The following UBR1 variants were observed in gnomAD, a reference collection of about 807,000 sequenced individuals.
UBR1 encodes the protein E3 ubiquitin-protein ligase UBR1.
In UBR1, 102 loss-of-function variants were observed where a neutral mutation model predicts 242.1. The ratio of observed to expected loss-of-function variants is 0.42; its 90% CI spans 0.36 to 0.50. The LOEUF (loss-of-function observed/expected upper bound fraction) is 0.50. Ranked by LOEUF, UBR1 falls within the 20% of genes least tolerant of loss-of-function variation. The pLI, the probability that UBR1 is intolerant of heterozygous loss-of-function variation, is 0.01. For synonymous variants in UBR1, 675 were observed against 684.8 expected (o/e 0.99, Z 0.22); for missense variants, 1,772 against 2,101.8 (o/e 0.84, Z 3.07).
chr15:42,947,163 A>G (rs1266420478), intron 46 of UBR1, among the ~76,000 whole-genome samples: 1 of 152,206 alleles, frequency 6.6e-6, no homozygotes, highest in Admixed American at 6.5e-5. Flanking sequence ...AAAAGTTTCA[A>G]GTATTGCAAT....
intron 1 of UBR1, among the ~76,000 whole-genome samples, chr15:43,101,627 C>T (rs1431296467): frequency 2.6e-5 from 4 of 151,932 alleles, no homozygotes; most frequent in South Asian, 2.1e-4. Flanking sequence ...GTCGGGAGTT[C>T]GAGACCAGGC....
chr15:43,035,384 T>C (rs2033319520), intron 19 of UBR1, among the ~76,000 whole-genome samples: 1 of 152,222 alleles, frequency 6.6e-6, no homozygotes, highest in South Asian at 2.1e-4. Context: ...TCAGGAGGTA[T>C]GGTTAAGAAA....
chr15:43,031,174 T>C (rs1008249273), intron 20 of UBR1, among the ~76,000 whole-genome samples: 11 of 152,124 alleles, frequency 7.2e-5, no homozygotes, highest in Admixed American at 5.2e-4. Context: ...AGAAATATAA[T>C]TTTTTAAACA....
intron 4 of UBR1, among the ~76,000 whole-genome samples, chr15:43,072,288 TCA>T (rs1385067950): frequency 6.6e-6 from 1 of 152,162 alleles, no homozygotes; most frequent in Non-Finnish European, 1.5e-5. Context: ...ATATACAAAA[TCA>T]CAGTTGCCCA....
At chr15:42,962,486 C>T (rs930806268) in intron 42 of UBR1, among the ~76,000 whole-genome samples, 1 of 151,858 alleles carries the variant, frequency 6.6e-6, no homozygotes, top group Non-Finnish European at 1.5e-5. Flanking sequence ...TGAACTGGGG[C>T]CTCTCTTTTT....
At chr15:43,059,562 C>A (rs2033657483) in intron 8 of UBR1, 140 bp downstream of exon 8, 2 of 1,034,392 alleles carry the variant, frequency 1.9e-6, no homozygotes, top group South Asian at 1.6e-5. Flanking sequence ...AAATGCAACC[C>A]TGAAAATTAA....
chr15:43,019,581 G>GTTT (rs1248631700), intron 27 of UBR1, among the ~76,000 whole-genome samples: 7 of 135,524 alleles, frequency 5.2e-5, no homozygotes, highest in Non-Finnish European at 1.1e-4. Flanking sequence ...CTGGCTTCAG[G>GTTT]TTTTTTTTTT....
intron 1 of UBR1, among the ~76,000 whole-genome samples, chr15:43,087,414 A>G (rs973818572): frequency 1.2e-4 from 18 of 152,266 alleles, no homozygotes; most frequent in Non-Finnish European, 2.4e-4. Context: ...CAAAAAAAAA[A>G]TAAAATAAAA....
In UBR1 at chr15:43,072,875, T is replaced by C. The variant is rs149572047; in HGVS notation, c.529-1950A>G. On this transcript the variant is annotated intron_variant, in intron 4 of 46. Coordinates refer to ENST00000290650, the MANE Select transcript of UBR1 (RefSeq NM_174916.3). Reference sequence around the variant, plus strand: ...ATTGTATATCATATGAAAAGCTTATTATGCTGGCTGGGCGTGGTGGCTCAC... The same window carrying C: ...ATTGTATATCATATGAAAAGCTTATCATGCTGGCTGGGCGTGGTGGCTCAC... 4.8e-3 allele frequency among the ~76,000 whole-genome samples: 727 copies of C among 152,292 alleles called. 6 individuals are homozygous for C. The highest frequency in any genetic ancestry group is 0.017 in the African/African-American group (698 of 41,562).
chr15:42,980,434 C>T (rs1420904989), intron 37 of UBR1, among the ~76,000 whole-genome samples: 1 of 152,116 alleles, frequency 6.6e-6, no homozygotes, highest in Non-Finnish European at 1.5e-5. Context: ...GGTTTTATTA[C>T]CATGGGCAAG....
chr15:43,059,022 C>A, intron 9 of UBR1, 63 bp downstream of exon 9: 6 of 1,266,438 alleles, frequency 4.7e-6, no homozygotes, highest in Admixed American at 1.7e-5. Flanking sequence ...TATTACAGCT[C>A]CACTTTAAGG....
In UBR1 at chr15:43,067,989, T is replaced by C; in HGVS notation, c.707A>G (p.His236Arg). 2 of 1,612,196 alleles carry C rather than the reference T, an allele frequency of 1.2e-6. No individual in the cohort carries two copies. Among genetic ancestry groups the C allele is most frequent in the Non-Finnish European group, 1.7e-6 (2 of 1,179,040 alleles). ...GCTGTATATGACGTGGTCATATGAATGGTGTTCATCATTGAAAAGGACACA... is the reference window on the plus strand; with the variant it reads ...GCTGTATATGACGTGGTCATATGAACGGTGTTCATCATTGAAAAGGACACA... ...YYCVLFNDEH[H>R]SYDHVIYSLQ... Residue 236 changes from histidine to arginine, a missense_variant, in exon 6 of 47, where the codon CAT becomes CGT. His to Arg is a conservative substitution (Grantham distance 29, BLOSUM62 0). Coordinates refer to ENST00000290650, the MANE Select transcript of UBR1 (RefSeq NM_174916.3).
chr15:42,988,992 T>C, intron 34 of UBR1, 25 bp from the exon 35 acceptor site: 2 of 1,569,982 alleles, frequency 1.3e-6, no homozygotes, highest in Non-Finnish European at 1.8e-6. Context: ...AGAAAATTTG[T>C]ATGATTTAGT....
intron 3 of UBR1, 149 bp downstream of exon 3, chr15:43,082,489 C>T (rs1387982690): frequency 4.4e-6 from 3 of 681,476 alleles, no homozygotes; most frequent in African/African-American, 3.6e-5. Context: ...AAGCAACACA[C>T]ATCCCTTATC....
intron 12 of UBR1, among the ~76,000 whole-genome samples, chr15:43,053,331 C>T (rs1192347393): frequency 6.6e-6 from 1 of 152,110 alleles, no homozygotes; most frequent in Non-Finnish European, 1.5e-5. Context: ...TGATTATGCA[C>T]CACTTAACTG....
At chr15:43,069,990 C>T (rs1259040670) in intron 5 of UBR1, among the ~76,000 whole-genome samples, 2 of 152,070 alleles carry the variant, frequency 1.3e-5, no homozygotes, top group Non-Finnish European at 2.9e-5. Flanking sequence ...CATTTAATGT[C>T]TCTATTGATT....
intron 21 of UBR1, among the ~76,000 whole-genome samples, chr15:43,029,732 G>C (rs927931726): frequency 6.6e-6 from 1 of 152,002 alleles, no homozygotes; most frequent in Admixed American, 6.5e-5. Flanking sequence ...TTTTCCTCTG[G>C]AGTAATCTTT....
intron 29 of UBR1, among the ~76,000 whole-genome samples, chr15:43,013,846 G>T (rs1036436465): frequency 1.4e-4 from 21 of 152,096 alleles, no homozygotes; most frequent in Admixed American, 3.3e-4. Context: ...TCCAAAAATT[G>T]AGTTGGCCTC....
intron 18 of UBR1, 122 bp from the exon 19 acceptor site, chr15:43,036,401 A>G (rs2033335751): frequency 1.2e-5 from 14 of 1,181,816 alleles, no homozygotes; most frequent in Non-Finnish European, 1.6e-5. Flanking sequence ...TTCTATTTCT[A>G]TGAGTCATAA....
Sources: gnomAD v4.1 joint callset for allele counts (sites outside exome capture counted in the v4.1 genomes callset) on GRCh38, gnomAD v4.1.1 for gene constraint, MANE v1.5 for transcripts, NCBI Gene and HGNC (gene_info 2026-07-23, HGNC 2026-07-21) for gene names.